Variants in BCL2 observed in about 807,000 individuals in gnomAD.
The protein encoded by BCL2 is apoptosis regulator Bcl-2.
Under a neutral mutation model 14.2 loss-of-function variants are expected in BCL2, and 1 was observed. The observed-to-expected ratio is 0.07, with a 90% CI of 0.02 to 0.33. The LOEUF is 0.33. BCL2 is among the 10% of genes least tolerant of loss of function. The pLI, the probability that BCL2 is intolerant of heterozygous loss-of-function variation, is 0.99. For missense variants in BCL2, 247 were observed against 305.9 expected (o/e 0.81, Z 1.44); for synonymous variants, 151 against 137.2 (o/e 1.10, Z -0.70).
chr18:63,193,064 T>C (rs1355058737), intron 2 of BCL2, among the ~76,000 whole-genome samples: 1 of 152,166 alleles, frequency 6.6e-6, no homozygotes, highest in East Asian at 1.9e-4. Context: ...ACCGCTGAGT[T>C]CTCAGCCAAA....
intron 2 of BCL2, among the ~76,000 whole-genome samples, chr18:63,257,667 G>A (rs992137318): frequency 2.0e-5 from 3 of 152,222 alleles, no homozygotes; most frequent in Non-Finnish European, 2.9e-5. Context: ...AGCTGACAGA[G>A]GCTCAGAGGT....
intron 2 of BCL2, among the ~76,000 whole-genome samples, chr18:63,153,335 T>C (rs1193116334): frequency 6.6e-6 from 1 of 152,172 alleles, no homozygotes; most frequent in Admixed American, 6.5e-5. Flanking sequence ...GCAAAGGCAC[T>C]AAAATTCAGT....
chr18:63,188,241 G>A lies in BCL2; in HGVS notation c.586-59482C>T, dbSNP rs186046121. 7.9e-5 allele frequency among the ~76,000 whole-genome samples: 12 copies of A among 152,286 alleles called. No homozygotes were observed. The East Asian group carries it at 2.3e-3, about 29-fold the overall frequency. On this transcript the variant is annotated intron_variant, in intron 2 of 2. Coordinates refer to ENST00000333681, the MANE Select transcript of BCL2 (RefSeq NM_000633.3). ...CTATATCTGAGGCAGAATGACATAT[G>A]GAAATAGTACAGTCTTTGGCGTTAG...
intron 2 of BCL2, among the ~76,000 whole-genome samples, chr18:63,129,282 C>T (rs1378309446): frequency 1.1e-5 from 1 of 93,244 alleles, no homozygotes; most frequent in African/African-American, 3.4e-5. Context: ...TTGTACCAAA[C>T]TTTTTCTTTC....
chr18:63,305,291 G>A (rs1913089534), intron 2 of BCL2, among the ~76,000 whole-genome samples: 1 of 152,212 alleles, frequency 6.6e-6, no homozygotes, highest in Admixed American at 6.5e-5. Flanking sequence ...TCTCTACTAA[G>A]CAATCTTGTG....
rs552258175 is a variant in BCL2, at chr18:63,127,320, T to A, written c.*1305A>T. On this transcript the variant is annotated 3_prime_UTR_variant, in exon 3 of 3. Coordinates refer to ENST00000333681, the MANE Select transcript of BCL2 (RefSeq NM_000633.3). ...TACAGCCAAAATGGGCCGTGGCCAT[T>A]GCCTCTCCTCACGTTCCCAGCCTTC... 6 of 231,992 alleles carry A rather than the reference T, an allele frequency of 2.6e-5. No individual in the cohort carries two copies. Among genetic ancestry groups the A allele is most frequent in the East Asian group, 1.2e-4 (2 of 16,550 alleles). The allele number at this position is 231,992 out of a possible 1,614,324, so 14.4% of individuals were successfully genotyped here.
Position 63,127,861 on chromosome 18 carries a change from T to G in BCL2, c.*764A>C. The G allele has an allele frequency of 4.4e-6, 1 of 224,886 alleles. No homozygotes were observed. The allele number at this position is 224,886 out of a possible 1,614,324, so 13.9% of individuals were successfully genotyped here. On this transcript the variant is annotated 3_prime_UTR_variant, in exon 3 of 3. Transcript: ENST00000333681. Reference sequence around the variant, plus strand: ...CAGGGCTTAAGGTACTGGATGATATTGTATAAATTGCTAAAATGCTTTTCT... The same window carrying G: ...CAGGGCTTAAGGTACTGGATGATATGGTATAAATTGCTAAAATGCTTTTCT...
chr18:63,240,165 TC>T (rs1910959549), intron 2 of BCL2, among the ~76,000 whole-genome samples: 1 of 152,098 alleles, frequency 6.6e-6, no homozygotes. Context: ...TTTTTGTATT[TC>T]TTGGTAGAGA....
chr18:63,245,701 T>C (rs1381345220), intron 2 of BCL2, among the ~76,000 whole-genome samples: 1 of 152,148 alleles, frequency 6.6e-6, no homozygotes, highest in Non-Finnish European at 1.5e-5. Flanking sequence ...TGATGCTATA[T>C]ACATGATACC....
intron 2 of BCL2, among the ~76,000 whole-genome samples, chr18:63,233,293 C>T (rs763574505): frequency 5.9e-5 from 9 of 152,196 alleles, no homozygotes; most frequent in Non-Finnish European, 1.2e-4. Context: ...GCTCTACATA[C>T]ATTAATTAGG....
intron 2 of BCL2, among the ~76,000 whole-genome samples, chr18:63,291,946 G>A (rs1367488995): frequency 6.6e-6 from 1 of 152,078 alleles, no homozygotes; most frequent in Non-Finnish European, 1.5e-5. Context: ...TAAATTGAGA[G>A]TCCAAGAAGA....
chr18:63,310,229 C>A (rs1472877663), intron 2 of BCL2, among the ~76,000 whole-genome samples: 1 of 152,166 alleles, frequency 6.6e-6, no homozygotes, highest in Non-Finnish European at 1.5e-5. Context: ...ATAGGGAGGG[C>A]TGTCTATACA....
chr18:63,130,753 T>C (rs1914042994), intron 2 of BCL2, among the ~76,000 whole-genome samples: 1 of 152,222 alleles, frequency 6.6e-6, no homozygotes, highest in Admixed American at 6.5e-5. Context: ...ATGATATATT[T>C]TTGTATATAA....
intron 2 of BCL2, among the ~76,000 whole-genome samples, chr18:63,129,018 C>T (rs1264925175): frequency 6.6e-6 from 1 of 152,204 alleles, no homozygotes; most frequent in Non-Finnish European, 1.5e-5. Flanking sequence ...ACTAAAAGTT[C>T]CTACTTCACG....
chr18:63,163,667 CACA>C (rs1200958148), intron 2 of BCL2, among the ~76,000 whole-genome samples: 3 of 152,256 alleles, frequency 2.0e-5, no homozygotes, highest in East Asian at 1.9e-4. Flanking sequence ...AAAAAAAACA[CACA>C]ACAATAGTCA....
intron 2 of BCL2, among the ~76,000 whole-genome samples, chr18:63,307,258 T>C (rs1411320681): frequency 6.6e-6 from 1 of 152,244 alleles, no homozygotes; most frequent in African/African-American, 2.4e-5. Flanking sequence ...ATATTCTCCA[T>C]ATTTTAAAAG....
At chr18:63,284,261 A>G (rs1912401261) in intron 2 of BCL2, among the ~76,000 whole-genome samples, 1 of 152,198 alleles carries the variant, frequency 6.6e-6, no homozygotes, top group Admixed American at 6.5e-5. Flanking sequence ...TTGAGGTAGA[A>G]GAAGGTAGAC....
chr18:63,246,295 C>T (rs1404193218), intron 2 of BCL2, among the ~76,000 whole-genome samples: 1 of 152,176 alleles, frequency 6.6e-6, no homozygotes, highest in African/African-American at 2.4e-5. Flanking sequence ...CTCCTCATCT[C>T]ACAGGCCTCA....
intron 2 of BCL2, among the ~76,000 whole-genome samples, chr18:63,286,721 G>A (rs1472751324): frequency 2.0e-5 from 3 of 152,180 alleles, no homozygotes; most frequent in Non-Finnish European, 2.9e-5. Flanking sequence ...TGAGAGGCAA[G>A]AAGTAAGGAG....
Sources: gnomAD v4.1 joint callset for allele counts (sites outside exome capture counted in the v4.1 genomes callset) on GRCh38, gnomAD v4.1.1 for gene constraint, MANE v1.5 for transcripts, NCBI Gene and HGNC (gene_info 2026-07-23, HGNC 2026-07-21) for gene names.